The following LMO1 variants were observed in gnomAD, a reference collection of about 807,000 sequenced individuals.
The protein encoded by LMO1 is LIM domain only 1, also known as rhombotin-1.
A neutral mutation model predicts 18.0 loss-of-function variants in LMO1; 10 were observed. That is an observed-to-expected ratio of 0.55 (90% CI 0.34 to 0.94). The LOEUF (loss-of-function observed/expected upper bound fraction) is 0.94. Among genes scored for constraint, LMO1 ranks in the 40% least tolerant of loss-of-function variants. The pLI, the probability that LMO1 is intolerant of heterozygous loss-of-function variation, is 0.02. For synonymous variants in LMO1, 77 were observed against 77.9 expected, an observed-to-expected ratio of 0.99 and a Z score of 0.06; for missense variants, 183 against 205.7, an observed-to-expected ratio of 0.89 and a Z score of 0.68.
chr11:8,263,115 C>T (rs527604736), intron 1 of LMO1, among the ~76,000 whole-genome samples: 101 of 151,546 alleles, frequency 6.7e-4, no homozygotes, highest in African/African-American at 2.1e-3. Context: ...CGTGCGGCCC[C>T]GGGCGCGTGC....
chr11:8,224,789 A>T, intron 3 of LMO1, 68 bp from the exon 4 acceptor site: 1 of 1,019,006 alleles, frequency 9.8e-7, no homozygotes, highest in Non-Finnish European at 1.5e-6. Context: ...GGCTGCAGAC[A>T]GAAGCCGGCC....
intron 3 of LMO1, 73 bp from the exon 4 acceptor site, chr11:8,224,794 C>T: frequency 1.0e-6 from 1 of 975,460 alleles, no homozygotes; most frequent in Non-Finnish European, 1.6e-6. Context: ...CAGACAGAAG[C>T]CGGCCTGGCC....
upstream of LMO1, among the ~76,000 whole-genome samples, chr11:8,267,368 G>A (rs1240258310): frequency 3.3e-5 from 5 of 152,244 alleles, no homozygotes. Context: ...GATGGGTCAA[G>A]GGACTAGCTG....
intron 1 of LMO1, among the ~76,000 whole-genome samples, chr11:8,255,465 C>T (rs1847075172): frequency 6.6e-6 from 1 of 152,252 alleles, no homozygotes; most frequent in Admixed American, 6.5e-5. Context: ...GATTGTGCCA[C>T]TGCACTCCAG....
chr11:8,262,785 G>A (rs932284809), intron 1 of LMO1, among the ~76,000 whole-genome samples: 9 of 152,170 alleles, frequency 5.9e-5, no homozygotes, highest in African/African-American at 1.4e-4. Flanking sequence ...GATGTCCCCC[G>A]GAGGGTCCAA....
upstream of LMO1, among the ~76,000 whole-genome samples, chr11:8,264,606 T>A (rs930223699): frequency 2.6e-5 from 4 of 151,730 alleles, no homozygotes; most frequent in African/African-American, 9.7e-5. Flanking sequence ...CACCTACTTT[T>A]TTTCTTTTCA....
upstream of LMO1, among the ~76,000 whole-genome samples, chr11:8,265,376 C>T (rs1847250289): frequency 6.6e-6 from 1 of 152,118 alleles, no homozygotes; most frequent in Non-Finnish European, 1.5e-5. Flanking sequence ...ACCCTTTAAG[C>T]CCTGGGAGGC....
intron 1 of LMO1, among the ~76,000 whole-genome samples, chr11:8,238,495 C>A (rs1035916180): frequency 2.0e-5 from 3 of 152,018 alleles, no homozygotes; most frequent in Non-Finnish European, 4.4e-5. Flanking sequence ...CACGGTGAAA[C>A]CCCGTCTCTA....
chr11:8,268,133 C>T (rs979133055), upstream of LMO1, among the ~76,000 whole-genome samples: 1 of 152,248 alleles, frequency 6.6e-6, no homozygotes, highest in Non-Finnish European at 1.5e-5. Flanking sequence ...GGCAAGAGTC[C>T]GTGAGAAAGT....
chr11:8,244,162 G>A (rs1455554241), intron 1 of LMO1, among the ~76,000 whole-genome samples: 1 of 151,568 alleles, frequency 6.6e-6, no homozygotes, highest in Non-Finnish European at 1.5e-5. Flanking sequence ...TCTGGAATAA[G>A]GAGCACCGGG....
chr11:8,254,197 A>G (rs1847051696), intron 1 of LMO1, among the ~76,000 whole-genome samples: 1 of 152,228 alleles, frequency 6.6e-6, no homozygotes, highest in Non-Finnish European at 1.5e-5. Context: ...ATAACACAAA[A>G]GAAATATTAC....
In LMO1 at chr11:8,238,000, T is replaced by A. The variant is rs76641164; in HGVS notation, c.26-7496A>T. Among the ~76,000 whole-genome samples, 772 of 152,374 alleles carry A rather than the reference T, an allele frequency of 5.1e-3. 4 individuals are homozygous for A. Among genetic ancestry groups the A allele is most frequent in the African/African-American group, 0.018 (749 of 41,592 alleles). ...TATAACAATGTTTGGCATAGTAGCATAAAGCAATTAGCTGAGAAAATTTAG... is the reference window on the plus strand; with the variant it reads ...TATAACAATGTTTGGCATAGTAGCAAAAAGCAATTAGCTGAGAAAATTTAG... On this transcript the variant is annotated intron_variant, in intron 1 of 3. Coordinates refer to ENST00000335790, the MANE Select transcript of LMO1 (RefSeq NM_002315.3).
At chr11:8,239,382 C>A (rs1220743412) in intron 1 of LMO1, among the ~76,000 whole-genome samples, 3 of 152,210 alleles carry the variant, frequency 2.0e-5, no homozygotes, top group Non-Finnish European at 2.9e-5. Flanking sequence ...GCTGTGGGAT[C>A]TTGAAAGGGC....
intron 3 of LMO1, among the ~76,000 whole-genome samples, chr11:8,225,592 T>C (rs1952524567): frequency 6.6e-6 from 1 of 152,084 alleles, no homozygotes; most frequent in African/African-American, 2.4e-5. Context: ...CCCGTTCCAC[T>C]ATCTCCTCTC....
rs780062749 is a variant in LMO1 at position 8,224,611 on chromosome 11, G to A, written c.*5C>T. 30 of 1,578,108 alleles carry A rather than the reference G, an allele frequency of 1.9e-5. No homozygotes were observed. Among genetic ancestry groups the A allele is most frequent in the Admixed American group, 1.0e-4 (6 of 57,162 alleles). On this transcript the variant is annotated 3_prime_UTR_variant, in exon 4 of 4. Coordinates refer to ENST00000335790, the MANE Select transcript of LMO1 (RefSeq NM_002315.3). The stretch of plus-strand genomic sequence containing the variant: ...CAGACGGGCCTGGAGGCCAGGCGCC[G>A]GGCGTTACTGAACTTGGGATTCAAA...
At chr11:8,257,478 G>A (rs1381599940) in intron 1 of LMO1, among the ~76,000 whole-genome samples, 1 of 152,186 alleles carries the variant, frequency 6.6e-6, no homozygotes, top group Admixed American at 6.5e-5. Context: ...GGCATAACTG[G>A]GACACCCAAG....
At chr11:8,249,984 A>G (rs1003171775) in intron 1 of LMO1, among the ~76,000 whole-genome samples, 14 of 152,214 alleles carry the variant, frequency 9.2e-5, no homozygotes, top group African/African-American at 3.1e-4. Flanking sequence ...CATTAAGTCA[A>G]TTTAATTCCT....
At chr11:8,241,500 G>A (rs191872855) in intron 1 of LMO1, among the ~76,000 whole-genome samples, 7 of 152,220 alleles carry the variant, frequency 4.6e-5, no homozygotes, top group Admixed American at 4.6e-4. Context: ...CATGTGGTCT[G>A]GTGTCTGCCT....
At chr11:8,255,110 C>T (rs72852560) in intron 1 of LMO1, among the ~76,000 whole-genome samples, 45 of 152,272 alleles carry the variant, frequency 3.0e-4, no homozygotes, top group Non-Finnish European at 5.4e-4. Context: ...TCTGCTTCTC[C>T]ACCCTTTGAA....
Sources: gnomAD v4.1 joint callset for allele counts (sites outside exome capture counted in the v4.1 genomes callset) on GRCh38, gnomAD v4.1.1 for gene constraint, MANE v1.5 for transcripts, NCBI Gene and HGNC (gene_info 2026-07-23, HGNC 2026-07-21) for gene names.